The following KLHL15 variants were observed in gnomAD, a reference collection of about 807,000 sequenced individuals.
KLHL15 encodes kelch like family member 15.
A neutral mutation model predicts 29.3 loss-of-function variants in KLHL15; 1 was observed. The observed-to-expected ratio is 0.03, with a 90% CI of 0.01 to 0.16. The LOEUF (loss-of-function observed/expected upper bound fraction) is 0.16. Among genes scored for constraint, KLHL15 ranks in the 10% least tolerant of loss-of-function variants. KLHL15 has a pLI of 1.00. For missense variants in KLHL15, 215 were observed against 478.5 expected, an observed-to-expected ratio of 0.45 and a Z score of 5.14; for synonymous variants, 212 against 184.5, an observed-to-expected ratio of 1.15 and a Z score of -1.21.
intron 3 of KLHL15, among the ~76,000 whole-genome samples, chrX:23,998,805 C>G (rs1929247943): frequency 8.9e-6 from 1 of 112,030 alleles, no homozygotes; most frequent in Non-Finnish European, 1.9e-5. Context: ...TGCTCCAAAC[C>G]TTTTCTCCAG....
At chrX:24,014,169 G>A (rs960378793) in intron 2 of KLHL15, among the ~76,000 whole-genome samples, 1 of 110,802 alleles carries the variant, frequency 9.0e-6, no homozygotes, top group Admixed American at 9.7e-5. Flanking sequence ...GCTGAGGCAG[G>A]AATTTCAGGC....
chrX:24,011,044 A>G (rs1485477627), intron 2 of KLHL15, among the ~76,000 whole-genome samples: 1 of 109,748 alleles, frequency 9.1e-6, no homozygotes, highest in East Asian at 2.8e-4. Context: ...CTCCACTCTC[A>G]TGAATAAACT....
intron 2 of KLHL15, among the ~76,000 whole-genome samples, chrX:24,011,986 T>C (rs1929584522): frequency 9.0e-6 from 1 of 111,306 alleles, no homozygotes; most frequent in Admixed American, 9.5e-5. Flanking sequence ...TTGTCTCTAC[T>C]AAAAATACAA....
Position 23,988,329 on chromosome X carries a change from C to T in KLHL15, c.1407G>A (p.Glu469=). Residue 469 remains glutamate (E), a synonymous_variant, in exon 4 of 4, where the codon GAG becomes GAA. Transcript: ENST00000328046. ...TCGCGTAATTCATCTTGCTCTTATT[C>T]TCCCAACAGTTGGTAACCACTTGAG... ...RRTQVVTNCW[E]NKSKMNYARC... is the part of the protein sequence containing the mutation. The T allele has an allele frequency of 8.3e-7, 1 of 1,211,579 alleles. No homozygotes were observed. The highest frequency in any genetic ancestry group is 1.1e-6 in the Non-Finnish European group (1 of 895,428).
chrX:24,000,608 C>A (rs1929294376), intron 3 of KLHL15, among the ~76,000 whole-genome samples: 1 of 112,546 alleles, frequency 8.9e-6, no homozygotes, highest in African/African-American at 3.2e-5. Flanking sequence ...TTCTACTTCT[C>A]TAGATTTATC....
chrX:24,003,231 T>C (rs1353797896), intron 3 of KLHL15, among the ~76,000 whole-genome samples: 3 of 111,247 alleles, frequency 2.7e-5, no homozygotes, highest in Non-Finnish European at 5.7e-5. Flanking sequence ...CCTGTTTCCT[T>C]ATCTATAAAA....
chrX:24,016,057 G>T (rs1929671876), intron 2 of KLHL15, among the ~76,000 whole-genome samples: 1 of 107,908 alleles, frequency 9.3e-6, no homozygotes, highest in African/African-American at 3.4e-5. Flanking sequence ...TTTTAAATTG[G>T]GGTACTTCAG....
At chrX:24,008,268 T>G (rs747658379) in intron 2 of KLHL15, among the ~76,000 whole-genome samples, 1 of 112,086 alleles carries the variant, frequency 8.9e-6, no homozygotes, top group East Asian at 2.8e-4. Flanking sequence ...GTTTTCGGAG[T>G]CTTGCTCTGT....
chrX:23,988,957 T>C lies in KLHL15; in HGVS notation c.779A>G (p.Gln260Arg), dbSNP rs1929029896. The C allele has an allele frequency of 1.7e-6, 2 of 1,209,763 alleles. No homozygotes were observed. Among genetic ancestry groups the C allele is most frequent in the African/African-American group, 1.7e-5 (1 of 57,180 alleles). ...CAACAAAGGCTGCTGGTGAACATTC[T>C]GAAAGTAATTCAATGCTTGGTCAAC... ...YEVDQALNYF[Q>R]NVHQQPLLDM... is the part of the protein sequence containing the mutation. Residue 260 changes from glutamine to arginine, a missense_variant, in exon 4 of 4, where the codon CAG becomes CGG. By Grantham distance (43) the Gln-to-Arg change is conservative. Transcript: ENST00000328046.
At chrX:24,001,802 C>CAAAAA (rs766669649) in intron 3 of KLHL15, among the ~76,000 whole-genome samples, 87 of 22,548 alleles carry the variant, frequency 3.9e-3, no homozygotes, top group East Asian at 9.0e-3. Context: ...AGACTTGACT[C>CAAAAA]AAAAAAAAAA....
chrX:23,999,878 T>C (rs887260034), intron 3 of KLHL15, among the ~76,000 whole-genome samples: 18 of 112,206 alleles, frequency 1.6e-4, no homozygotes, highest in Non-Finnish European at 1.5e-4. Flanking sequence ...GAACTGCACA[T>C]GCGTTAATTA....
At chrX:24,019,908 A>T (rs964676321) in intron 2 of KLHL15, among the ~76,000 whole-genome samples, 1 of 112,162 alleles carries the variant, frequency 8.9e-6, no homozygotes, top group Non-Finnish European at 1.9e-5. Context: ...TTCAAAATTA[A>T]CCTCTATGTT....
intron 2 of KLHL15, among the ~76,000 whole-genome samples, chrX:24,012,632 T>C (rs1053520219): frequency 1.2e-4 from 13 of 112,190 alleles, no homozygotes; most frequent in Admixed American, 1.1e-3. Flanking sequence ...TCTCCATCCT[T>C]ACTCCAGTCC....
chrX:24,015,306 C>T (rs769330092), intron 2 of KLHL15, among the ~76,000 whole-genome samples: 46 of 112,199 alleles, frequency 4.1e-4, no homozygotes, highest in Non-Finnish European at 6.4e-4. Flanking sequence ...AAATATGCAA[C>T]ACACTAAATA....
intron 2 of KLHL15, among the ~76,000 whole-genome samples, chrX:24,014,126 T>C (rs1302153633): frequency 9.3e-6 from 1 of 107,959 alleles, no homozygotes; most frequent in African/African-American, 3.4e-5. Flanking sequence ...CTGGGCATGG[T>C]AGCATGCACC....
intron 2 of KLHL15, among the ~76,000 whole-genome samples, chrX:24,010,440 C>T (rs1016942186): frequency 8.9e-6 from 1 of 112,115 alleles, no homozygotes; most frequent in Non-Finnish European, 1.9e-5. Flanking sequence ...GCAGTTTCGT[C>T]CACCGAACAG....
Position 23,996,460 on chromosome X carries a change from C to T in KLHL15, c.706-7430G>A, listed in dbSNP as rs1306895499. ...CGAGCGGATCATGAGGTCAGGAGTTCGAGACTAGCCTGGCAAACATGGCGA... is the reference window on the plus strand; with the variant it reads ...CGAGCGGATCATGAGGTCAGGAGTTTGAGACTAGCCTGGCAAACATGGCGA... On this transcript the variant is annotated intron_variant, in intron 3 of 3. Transcript: ENST00000328046. Among the ~76,000 whole-genome samples, 3 of 111,456 alleles carry T rather than the reference C, an allele frequency of 2.7e-5. No homozygotes were observed. In the East Asian group the frequency reaches 8.5e-4, roughly 31 times the overall value.
At chrX:24,016,578 A>T (rs1284580108) in intron 2 of KLHL15, among the ~76,000 whole-genome samples, 1 of 108,793 alleles carries the variant, frequency 9.2e-6, no homozygotes, top group Non-Finnish European at 1.9e-5. Context: ...GAGGTGGGAG[A>T]ATCGCTTGAA....
At chrX:24,007,567 A>T (rs1454192653) in intron 2 of KLHL15, among the ~76,000 whole-genome samples, 2 of 102,826 alleles carry the variant, frequency 1.9e-5, no homozygotes, top group Middle Eastern at 4.6e-3. Flanking sequence ...TCTTACAAAT[A>T]ATATATGCCT....
Sources: allele counts gnomAD v4.1 joint callset (sites outside exome capture counted in the v4.1 genomes callset), GRCh38; gene constraint gnomAD v4.1.1; transcripts MANE v1.5; gene names NCBI Gene and HGNC (gene_info 2026-07-23, HGNC 2026-07-21).